The following RBFOX3 variants were observed in gnomAD, a reference collection of about 807,000 sequenced individuals.
The protein encoded by RBFOX3 is RNA binding protein fox-1 homolog 3.
RBFOX3 carries 17 observed loss-of-function variants against 48.7 expected under a neutral mutation model. The ratio of observed to expected loss-of-function variants is 0.35; its 90% CI spans 0.24 to 0.52. The LOEUF (loss-of-function observed/expected upper bound fraction) is 0.52. RBFOX3 is among the 20% of genes least tolerant of loss of function. The pLI is 0.94. For synonymous variants in RBFOX3, 212 were observed against 209.5 expected, an observed-to-expected ratio of 1.01 and a Z score of -0.10; for missense variants, 382 against 497.5, an observed-to-expected ratio of 0.77 and a Z score of 2.21.
intron 1 of RBFOX3, among the ~76,000 whole-genome samples, chr17:79,557,778 T>C (rs1414345790): frequency 2.6e-5 from 4 of 152,112 alleles, no homozygotes; most frequent in Non-Finnish European, 4.4e-5. Context: ...GGGCATCTCG[T>C]GGGAGGCCTC....
intron 2 of RBFOX3, among the ~76,000 whole-genome samples, chr17:79,409,771 A>G (rs1345352643): frequency 1.3e-5 from 2 of 152,196 alleles, no homozygotes; most frequent in Non-Finnish European, 1.5e-5. Flanking sequence ...GACCAGTGCC[A>G]TGGGGTCAGG....
At chr17:79,340,667 C>A (rs2081944950) in intron 2 of RBFOX3, among the ~76,000 whole-genome samples, 1 of 152,008 alleles carries the variant, frequency 6.6e-6, no homozygotes, top group Non-Finnish European at 1.5e-5. Flanking sequence ...ACTCAGAAAC[C>A]TGGAGACGCA....
intron 3 of RBFOX3, among the ~76,000 whole-genome samples, chr17:79,262,843 C>G (rs752910965): frequency 2.6e-5 from 4 of 152,252 alleles, no homozygotes; most frequent in Non-Finnish European, 5.9e-5. Context: ...TGGGGCAGCC[C>G]CAATAGGGCG....
rs571927566 is a variant in RBFOX3 at position 79,133,933 on chromosome 17, C to CTCTT, written c.-33-18186_-33-18185insAAGA. 5.9e-5 allele frequency among the ~76,000 whole-genome samples: 9 copies of CTCTT among 152,370 alleles called. 1 individual carries two copies. The South Asian group carries it at 1.9e-3, about 32-fold the overall frequency. On this transcript the variant is annotated intron_variant, in intron 4 of 14. Coordinates refer to ENST00000693108, the MANE Select transcript of RBFOX3 (RefSeq NM_001350451.2). ...CCAGGGCCGCTTGCTCTGCCAGCTA[C>CTCTT]AGAGGCATCCTCGTTTCTGTTTTCT...
chr17:79,103,073 C>T lies in RBFOX3; in HGVS notation c.507+89G>A, dbSNP rs1048676232. On this transcript the variant is annotated intron_variant, in intron 8 of 14. Transcript: ENST00000693108. This position sits in a 1 kb window ranked among gnomAD's most constrained non-coding sequence, Gnocchi z 6.1. The stretch of plus-strand genomic sequence containing the variant: ...CCCTGGCCAGGCTCTCTGAAGGGTG[C>T]GGCAGTGGCAGGGCTGGTTGGTTGG... The T allele has an allele frequency of 3.3e-5, 32 of 969,162 alleles. No individual in the cohort carries two copies. Among genetic ancestry groups the T allele is most frequent in the Admixed American group, 1.0e-4 (5 of 49,514 alleles). 60.0% of individuals were successfully genotyped at this position (969,162 alleles called of 1,614,324 possible).
chr17:79,334,267 T>C (rs1260072065), intron 2 of RBFOX3, among the ~76,000 whole-genome samples: 1 of 152,192 alleles, frequency 6.6e-6, no homozygotes, highest in African/African-American at 2.4e-5. Flanking sequence ...CCCAGGTGGC[T>C]TCACTGGCAC....
the RBFOX3 span, among the ~76,000 whole-genome samples, chr17:79,642,267 A>T: frequency 6.6e-6 from 1 of 152,204 alleles, no homozygotes; most frequent in Non-Finnish European, 1.5e-5. Context: ...GTTATGTGGG[A>T]TAAATAAGTT....
At position 79,311,075 on chromosome 17, in the gene RBFOX3, C is replaced by G. The variant is rs1345867164; in HGVS notation, c.-174-3251G>C. ...CATCCAGTCAGTCGAAAGGCTTCATCCGGTCAGTTAAAAGGCCTTAACAGC... is the reference window on the plus strand; with the variant it reads ...CATCCAGTCAGTCGAAAGGCTTCATGCGGTCAGTTAAAAGGCCTTAACAGC... On this transcript the variant is annotated intron_variant, in intron 2 of 14. Transcript: ENST00000693108. The surrounding 1 kb of genome is among the most constrained non-coding windows in gnomAD (Gnocchi z 4.2). 6.6e-6 allele frequency among the ~76,000 whole-genome samples: 1 copy of G among 152,134 alleles called. No homozygotes were observed. The highest frequency in any genetic ancestry group is 1.5e-5 in the Non-Finnish European group (1 of 68,030).
intron 3 of RBFOX3, among the ~76,000 whole-genome samples, chr17:79,300,802 G>A (rs973492127): frequency 1.3e-5 from 2 of 152,180 alleles, no homozygotes; most frequent in African/African-American, 4.8e-5. Flanking sequence ...ACCTTGGTGA[G>A]GCACCTGGGG....
chr17:79,403,329 C>A (rs2063061742), intron 2 of RBFOX3, among the ~76,000 whole-genome samples: 1 of 152,184 alleles, frequency 6.6e-6, no homozygotes, highest in Non-Finnish European at 1.5e-5. Flanking sequence ...CAGGTCCCGG[C>A]AGCAGGGCTG....
intron 2 of RBFOX3, among the ~76,000 whole-genome samples, chr17:79,433,167 G>C (rs1156799749): frequency 1.3e-5 from 2 of 152,198 alleles, no homozygotes; most frequent in Non-Finnish European, 2.9e-5. Context: ...GGAGGGTCCA[G>C]GTGCCATCAG....
intron 4 of RBFOX3, among the ~76,000 whole-genome samples, chr17:79,190,645 C>A (rs892093015): frequency 8.5e-5 from 13 of 152,112 alleles, no homozygotes; most frequent in Non-Finnish European, 1.3e-4. Flanking sequence ...GTTTTTATCA[C>A]CCTGAGTGCC....
At chr17:79,576,296 G>A (rs1224732684) in intron 1 of RBFOX3, among the ~76,000 whole-genome samples, 1 of 152,234 alleles carries the variant, frequency 6.6e-6, no homozygotes, top group Non-Finnish European at 1.5e-5. Flanking sequence ...GAGATATGGG[G>A]ATGGAGATGG....
chr17:79,635,214 G>A, the RBFOX3 span, among the ~76,000 whole-genome samples: 1 of 152,038 alleles, frequency 6.6e-6, no homozygotes, highest in African/African-American at 2.4e-5. Context: ...AGAGTCTCAG[G>A]GATGCCTGGT....
chr17:79,093,718 G>A (rs1450044646), intron 14 of RBFOX3, among the ~76,000 whole-genome samples: 1 of 151,448 alleles, frequency 6.6e-6, no homozygotes, highest in Admixed American at 6.6e-5. Flanking sequence ...GGGCCAGTGG[G>A]TACAGGAGGC....
chr17:79,476,311 C>G (rs929570717), intron 2 of RBFOX3, among the ~76,000 whole-genome samples: 1 of 152,364 alleles, frequency 6.6e-6, no homozygotes, highest in East Asian at 1.9e-4. Context: ...GCCCAGTCTC[C>G]TCCGCTGCTC....
chr17:79,179,909 G>T (rs759023287), intron 4 of RBFOX3, among the ~76,000 whole-genome samples: 3 of 152,218 alleles, frequency 2.0e-5, no homozygotes, highest in Non-Finnish European at 2.9e-5. Context: ...CCACGGCACG[G>T]GGCTACCCTT....
chr17:79,250,397 A>G (rs1327684617), intron 3 of RBFOX3, among the ~76,000 whole-genome samples: 1 of 152,310 alleles, frequency 6.6e-6, no homozygotes, highest in East Asian at 1.9e-4. Flanking sequence ...TAAATTGCGA[A>G]TGTGTTTACA....
chr17:79,544,600 ACACCTGCCATC>A (rs1246743997), intron 1 of RBFOX3, among the ~76,000 whole-genome samples: 1 of 151,722 alleles, frequency 6.6e-6, no homozygotes, highest in Non-Finnish European at 1.5e-5. Flanking sequence ...GCCAACCCTG[ACACCTGCCATC>A]CACCTGCCCC....
Sources: gnomAD v4.1 joint callset for allele counts (sites outside exome capture counted in the v4.1 genomes callset) on GRCh38, gnomAD v4.1.1 for gene constraint, Gnocchi (gnomAD v3.1) non-coding constraint, MANE v1.5 for transcripts, NCBI Gene and HGNC (gene_info 2026-07-23, HGNC 2026-07-21) for gene names.